Variants in CAMTA1 observed in about 807,000 individuals in gnomAD.
CAMTA1 encodes the protein calmodulin-binding transcription activator 1.
Under a neutral mutation model 170.9 loss-of-function variants are expected in CAMTA1, and 27 were observed. The ratio of observed to expected loss-of-function variants is 0.16; its 90% CI spans 0.12 to 0.22. The LOEUF (loss-of-function observed/expected upper bound fraction) is 0.22. Among genes scored for constraint, CAMTA1 ranks in the 10% least tolerant of loss-of-function variants. The probability of loss-of-function intolerance (pLI) is 1.00; values close to 1 mark genes in which losing one functional copy is unlikely to be tolerated. For synonymous variants in CAMTA1, 833 were observed against 891.5 expected (o/e 0.93, Z 1.17); for missense variants, 1,619 against 2,217.2 (o/e 0.73, Z 5.42).
At chr1:7,284,446 C>T (rs867413983) in intron 5 of CAMTA1, among the ~76,000 whole-genome samples, 1 of 152,046 alleles carries the variant, frequency 6.6e-6, no homozygotes, top group Admixed American at 6.5e-5. Flanking sequence ...TCGTGATCTG[C>T]CCGCCTTGGC....
At chr1:7,667,587 C>T (rs969595253) in intron 9 of CAMTA1, among the ~76,000 whole-genome samples, 12 of 152,266 alleles carry the variant, frequency 7.9e-5, no homozygotes, top group Admixed American at 7.8e-4. Context: ...AGGTCCTGGC[C>T]TGTCAGACAG....
intron 5 of CAMTA1, among the ~76,000 whole-genome samples, chr1:7,340,635 T>A (rs544935477): frequency 6.8e-6 from 1 of 146,456 alleles, no homozygotes; most frequent in African/African-American, 2.5e-5. Flanking sequence ...CATTAATTTA[T>A]CTCTCTGAAG....
rs2095937579 is a variant in CAMTA1 at position 7,659,651 on chromosome 1, G to A, written c.665-2075G>A. 2.6e-5 allele frequency among the ~76,000 whole-genome samples: 4 copies of A among 152,240 alleles called. No homozygotes were observed. In the South Asian group the frequency reaches 8.4e-4, roughly 32 times the overall value. ...ACAGAGATCTACCCGCAGTGTTCCG[G>A]GGCTGAGCCATCTGTGGATTTCACA... On this transcript the variant is annotated intron_variant, in intron 7 of 22. Coordinates refer to ENST00000303635, the MANE Select transcript of CAMTA1 (RefSeq NM_015215.4).
chr1:7,591,095 G>A (rs970043457), intron 6 of CAMTA1, among the ~76,000 whole-genome samples: 15 of 152,128 alleles, frequency 9.9e-5, no homozygotes, highest in Non-Finnish European at 1.5e-4. Flanking sequence ...CCTGGGACTA[G>A]ACCCTCACTC....
intron 5 of CAMTA1, among the ~76,000 whole-genome samples, chr1:7,410,963 G>A (rs192693131): frequency 2.6e-3 from 387 of 151,204 alleles, no homozygotes; most frequent in African/African-American, 9.0e-3. Context: ...GTATGTCTGT[G>A]TGTGTATGTG....
chr1:6,862,187 G>T (rs1460170395), intron 3 of CAMTA1, among the ~76,000 whole-genome samples: 7 of 152,118 alleles, frequency 4.6e-5, no homozygotes, highest in African/African-American at 1.4e-4. Context: ...TGGCCAGGCT[G>T]GTCTCAAACT....
chr1:7,307,332 ATT>A (rs34792044), intron 5 of CAMTA1, among the ~76,000 whole-genome samples: 29 of 150,646 alleles, frequency 1.9e-4, no homozygotes, highest in African/African-American at 5.6e-4. Flanking sequence ...GAGTTCTAGG[ATT>A]TTTTTTTTTC....
rs34382670 is a variant in CAMTA1, at chr1:7,246,670, CT to C, written c.303-2799del. ...ATCCCTTCCCACCAGCTCTGACCTGCTTTTTTTTTTTTTTTTTTTTTTGACA... is the reference window on the plus strand; with the variant it reads ...ATCCCTTCCCACCAGCTCTGACCTGCTTTTTTTTTTTTTTTTTTTTTGACA... On this transcript the variant is annotated intron_variant, in intron 4 of 22. Coordinates refer to ENST00000303635, the MANE Select transcript of CAMTA1 (RefSeq NM_015215.4). 1.7e-3 allele frequency among the ~76,000 whole-genome samples: 124 copies of C among 73,916 alleles called. 1 individual carries two copies. The highest frequency in any genetic ancestry group is 0.017 in the Middle Eastern group (2 of 120). 48.5% of individuals were successfully genotyped at this position (73,916 alleles called of 152,430 possible).
intron 3 of CAMTA1, among the ~76,000 whole-genome samples, chr1:6,869,351 A>G (rs934407658): frequency 3.9e-5 from 6 of 152,234 alleles, no homozygotes; most frequent in African/African-American, 1.4e-4. Flanking sequence ...AATAACCTCA[A>G]ATAGTTCAGG....
chr1:7,159,282 C>A (rs903717549), intron 4 of CAMTA1, among the ~76,000 whole-genome samples: 2 of 152,042 alleles, frequency 1.3e-5, no homozygotes, highest in African/African-American at 4.8e-5. Context: ...GCTTACTTTT[C>A]AATGTGAGTA....
chr1:7,106,521 A>G (rs1643606246), intron 4 of CAMTA1, among the ~76,000 whole-genome samples: 1 of 152,168 alleles, frequency 6.6e-6, no homozygotes, highest in Non-Finnish European at 1.5e-5. Flanking sequence ...TAGGTACAGA[A>G]GTTGGGACCA....
chr1:6,977,490 G>A (rs566270862), intron 3 of CAMTA1, among the ~76,000 whole-genome samples: 1 of 152,234 alleles, frequency 6.6e-6, no homozygotes, highest in East Asian at 1.9e-4. Context: ...ACACGTGCGT[G>A]CCACCACACC....
intron 5 of CAMTA1, among the ~76,000 whole-genome samples, chr1:7,340,568 T>TCCCTCCCTCCCTCCCTCCCTCCCTC (rs1300387285): frequency 5.6e-5 from 1 of 17,854 alleles, no homozygotes; most frequent in African/African-American, 2.0e-4. Flanking sequence ...CTCCCTCCCT[T>TCCCTCCCTCCCTCCCTCCCTCCCTC]CCTTCCTTCC....
chr1:7,312,510 T>C (rs1676887285), intron 5 of CAMTA1, among the ~76,000 whole-genome samples: 1 of 152,132 alleles, frequency 6.6e-6, no homozygotes, highest in Non-Finnish European at 1.5e-5. Context: ...CTAATTCTGG[T>C]CTTCCTCCTT....
At chr1:7,389,204 G>C (rs934378681) in intron 5 of CAMTA1, 2 of 152,622 alleles carry the variant, frequency 1.3e-5, no homozygotes, top group Non-Finnish European at 2.9e-5. Context: ...TCTCTAGCCT[G>C]TTGCCCCCAG....
chr1:7,062,373 T>G (rs1348290444), intron 3 of CAMTA1, among the ~76,000 whole-genome samples: 1 of 152,120 alleles, frequency 6.6e-6, no homozygotes, highest in Non-Finnish European at 1.5e-5. Flanking sequence ...AATGTAAAAG[T>G]TTTTAGTGTA....
Position 7,030,623 on chromosome 1 carries a change from T to C in CAMTA1, c.235-60681T>C, listed in dbSNP as rs1172494329. ...ATTAATAATTTCTAATTTAATTCCA[T>C]TGTAGTCAGAGAATATACTGATAAA... On this transcript the variant is annotated intron_variant, in intron 3 of 22. Transcript: ENST00000303635. Among the ~76,000 whole-genome samples the C allele has an allele frequency of 5.3e-5, 8 of 152,344 alleles. No individual in the cohort carries two copies. In the South Asian group the frequency reaches 1.5e-3, roughly 28 times the overall value.
intron 4 of CAMTA1, among the ~76,000 whole-genome samples, chr1:7,103,386 CGTACACACAACTACACACGCACACACACA>C (rs1642981401): frequency 6.8e-6 from 1 of 147,100 alleles, no homozygotes; most frequent in Non-Finnish European, 1.5e-5. Context: ...CAACTACACA[CGTACACACAACTACACACGCACACACACA>C]GCACACACAC....
chr1:6,800,242 C>T (rs1469578216), intron 1 of CAMTA1, among the ~76,000 whole-genome samples: 1 of 151,930 alleles, frequency 6.6e-6, no homozygotes, highest in Non-Finnish European at 1.5e-5. Flanking sequence ...CTTGTCTCTA[C>T]TAAAAATAGA....
Sources: allele counts gnomAD v4.1 joint callset (sites outside exome capture counted in the v4.1 genomes callset), GRCh38; gene constraint gnomAD v4.1.1; transcripts MANE v1.5; gene names NCBI Gene and HGNC (gene_info 2026-07-23, HGNC 2026-07-21).